ATXN10: variants seen among roughly 807,000 people sequenced by gnomAD.
ATXN10 encodes the protein ataxin 10.
A neutral mutation model predicts 52.9 loss-of-function variants in ATXN10; 28 were observed. The observed-to-expected ratio is 0.53, with a 90% CI of 0.39 to 0.73. ATXN10 has a LOEUF of 0.73. Ranked by LOEUF, ATXN10 falls within the 30% of genes least tolerant of loss-of-function variation. ATXN10 has a pLI of 0.00. For synonymous variants in ATXN10, 226 were observed against 221.5 expected (o/e 1.02, Z -0.18); for missense variants, 565 against 577.0 (o/e 0.98, Z 0.21).
At chr22:45,796,776 G>A (rs1037128021) in intron 9 of ATXN10, among the ~76,000 whole-genome samples, 2 of 152,178 alleles carry the variant, frequency 1.3e-5, no homozygotes, top group African/African-American at 2.4e-5. Flanking sequence ...TGAGATTACA[G>A]GCGTGAGCCA....
In ATXN10 at chr22:45,832,094, A is replaced by G. The variant is rs373448885; in HGVS notation, c.1238-10897A>G. ...TGTATTATTCCAAAATTTTATTCTC[A>G]CCATTATGGACTCCTGCTCCCTTGT... On this transcript the variant is annotated intron_variant, in intron 10 of 11. Transcript: ENST00000252934. 7.2e-5 allele frequency among the ~76,000 whole-genome samples: 11 copies of G among 152,030 alleles called. No individual in the cohort carries two copies. The South Asian group carries it at 1.9e-3, about 26-fold the overall frequency.
intron 7 of ATXN10, among the ~76,000 whole-genome samples, chr22:45,737,709 T>G (rs932067641): frequency 2.7e-5 from 4 of 147,586 alleles, no homozygotes; most frequent in South Asian, 2.2e-4. Flanking sequence ...TTTTTTTTTT[T>G]TTTGTTTGAG....
At chr22:45,827,399 G>A (rs183496922) in intron 10 of ATXN10, among the ~76,000 whole-genome samples, 1 of 152,272 alleles carries the variant, frequency 6.6e-6, no homozygotes, top group Non-Finnish European at 1.5e-5. Context: ...TGATCTAACT[G>A]TACTGTCTAC....
chr22:45,675,663 C>T (rs910139063), intron 1 of ATXN10: 10 of 152,224 alleles, frequency 6.6e-5, no homozygotes, highest in African/African-American at 2.4e-4. Context: ...CATCCTCAGC[C>T]ACGTGTGCAA....
Position 45,844,785 on chromosome 22 carries a change from T to G in ATXN10, c.*1114T>G, listed in dbSNP as rs1352071812. 1 of 152,228 alleles carries G rather than the reference T, an allele frequency of 6.6e-6. No homozygotes were observed. Among genetic ancestry groups the G allele is most frequent in the Non-Finnish European group, 1.5e-5 (1 of 68,034 alleles). 9.4% of individuals were successfully genotyped at this position (152,228 alleles called of 1,614,324 possible). A position where few individuals can be genotyped will look rare whatever the true frequency, so the allele number is the denominator to read the frequency against. Reference sequence around the variant, plus strand: ...GATTTTGCACAATTCGTGTTGAACCTTCCAAAACAAAAATAAAGACCTGTC... The same window carrying G: ...GATTTTGCACAATTCGTGTTGAACCGTCCAAAACAAAAATAAAGACCTGTC... On this transcript the variant is annotated 3_prime_UTR_variant, in exon 12 of 12. Transcript: ENST00000252934.
intron 6 of ATXN10, among the ~76,000 whole-genome samples, chr22:45,725,403 T>TA (rs991753933): frequency 1.1e-4 from 10 of 91,274 alleles, no homozygotes; most frequent in African/African-American, 4.8e-4. Flanking sequence ...GGCATTTGAT[T>TA]TTTTTTTTTT....
intron 9 of ATXN10, among the ~76,000 whole-genome samples, chr22:45,752,384 T>C (rs73889606): frequency 0.017 from 2,631 of 152,296 alleles, 88 homozygotes; most frequent in African/African-American, 0.061. Flanking sequence ...GTGCTTGGTA[T>C]AAATGGCTCT....
intron 10 of ATXN10, chr22:45,811,591 G>A (rs937924974): frequency 7.4e-6 from 3 of 404,060 alleles, no homozygotes; most frequent in African/African-American, 6.2e-5. Context: ...GAAGCAGTAG[G>A]GTATACCATA....
At position 45,672,112 on chromosome 22, in the gene ATXN10, C is replaced by T. The variant is rs1922469887; in HGVS notation, c.49C>T (p.Pro17Ser). Residue 17 changes from proline (P) to serine (S), a missense_variant, in exon 1 of 12, where the codon CCG becomes TCG. Transcript: ENST00000252934. Reference protein sequence around the residue: ...PPARLSGVMVPAPIQDLEALR... With the variant: ...PPARLSGVMVSAPIQDLEALR... ...TGCCAGGCTGTCGGGCGTCATGGTGCCGGCGCCCATCCAAGACCTGGAGGC... is the reference window on the plus strand; with the variant it reads ...TGCCAGGCTGTCGGGCGTCATGGTGTCGGCGCCCATCCAAGACCTGGAGGC... 4 of 1,540,138 alleles carry T rather than the reference C, an allele frequency of 2.6e-6. No homozygotes were observed. In the African/African-American group the frequency reaches 4.1e-5, roughly 16 times the overall value.
At chr22:45,695,817 T>G (rs1173139981) in intron 3 of ATXN10, among the ~76,000 whole-genome samples, 1 of 152,170 alleles carries the variant, frequency 6.6e-6, no homozygotes, top group African/African-American at 2.4e-5. Context: ...CTATTGATGT[T>G]AATATGTGTG....
intron 9 of ATXN10, chr22:45,793,596 A>C: frequency 7.6e-7 from 1 of 1,320,104 alleles, no homozygotes; most frequent in Non-Finnish European, 9.7e-7. Flanking sequence ...CTGCACCTTC[A>C]TTTTAGGCAG....
In ATXN10 at chr22:45,701,588, C is replaced by T. The variant is rs1923846390; in HGVS notation, c.489-1101C>T. On this transcript the variant is annotated intron_variant, in intron 4 of 11. Transcript: ENST00000252934. The surrounding 1 kb of genome is among the most constrained non-coding windows in gnomAD (Gnocchi z 4.2). The stretch of plus-strand genomic sequence containing the variant: ...GAAGAAGAGAATTACGAAATTCAAG[C>T]TACAGAAATAGGCATTGCTTATTTT... Among the ~76,000 whole-genome samples the T allele has an allele frequency of 1.3e-5, 2 of 152,178 alleles. No homozygotes were observed. The highest frequency in any genetic ancestry group is 4.1e-4 in the South Asian group (2 of 4,834).
chr22:45,764,228 AC>A (rs1354012285), intron 9 of ATXN10, among the ~76,000 whole-genome samples: 4 of 150,500 alleles, frequency 2.7e-5, no homozygotes, highest in Non-Finnish European at 4.4e-5. Context: ...ATCCACCGCT[AC>A]CCCCCAGCCC....
intron 10 of ATXN10, among the ~76,000 whole-genome samples, chr22:45,839,338 G>A (rs886452249): frequency 2.0e-4 from 30 of 152,202 alleles, no homozygotes; most frequent in Non-Finnish European, 2.5e-4. Flanking sequence ...TGTCAGGTCC[G>A]TGGCTGCGCC....
chr22:45,671,999 C>T lies in ATXN10; in HGVS notation c.-65C>T. 3 of 1,509,446 alleles carry T rather than the reference C, an allele frequency of 2.0e-6. No individual in the cohort carries two copies. Among genetic ancestry groups the T allele is most frequent in the Non-Finnish European group, 2.7e-6 (3 of 1,126,278 alleles). The allele number at this position is 1,509,446 out of a possible 1,614,324, so 93.5% of individuals were successfully genotyped here. A position where few individuals can be genotyped will look rare whatever the true frequency, so the allele number is the denominator to read the frequency against. On this transcript the variant is annotated 5_prime_UTR_variant, in exon 1 of 12. Coordinates refer to ENST00000252934, the MANE Select transcript of ATXN10 (RefSeq NM_013236.4). ...CATCCTACTCCTCCCTCCTCGTCATCCTCCCCCTTCGTCCTCCTCGCCTTC... is the reference window on the plus strand; with the variant it reads ...CATCCTACTCCTCCCTCCTCGTCATTCTCCCCCTTCGTCCTCCTCGCCTTC...
rs1472587952 is a variant in ATXN10 at position 45,712,909 on chromosome 22, A to G, written c.648-5504A>G. Among the ~76,000 whole-genome samples the G allele has an allele frequency of 6.6e-6, 1 of 152,204 alleles. No individual in the cohort carries two copies. The highest frequency in any genetic ancestry group is 2.4e-5 in the African/African-American group (1 of 41,452). On this transcript the variant is annotated intron_variant, in intron 5 of 11. Transcript: ENST00000252934. This position sits in a 1 kb window ranked among gnomAD's most constrained non-coding sequence, Gnocchi z 4.6. ...CTGTGGGTTAGATTTCCCAGATCTC[A>G]CAACAAAGGAGAGTGGCATTTATTT...
rs552194875 is a variant in ATXN10 at position 45,826,571 on chromosome 22, C to T, written c.1238-16420C>T. On this transcript the variant is annotated intron_variant, in intron 10 of 11. Transcript: ENST00000252934. The surrounding 1 kb of genome is among the most constrained non-coding windows in gnomAD (Gnocchi z 5.0). The stretch of plus-strand genomic sequence containing the variant: ...CAGCCCATCACATGCAAGAGATAAT[C>T]CATAGGATTACCAGCAGTTTTCTTA... Among the ~76,000 whole-genome samples, 4 of 152,274 alleles carry T rather than the reference C, an allele frequency of 2.6e-5. No homozygotes were observed. Among genetic ancestry groups the T allele is most frequent in the African/African-American group, 9.6e-5 (4 of 41,556 alleles).
intron 9 of ATXN10, among the ~76,000 whole-genome samples, chr22:45,785,907 A>G (rs1927307945): frequency 6.6e-6 from 1 of 152,258 alleles, no homozygotes; most frequent in Admixed American, 6.5e-5. Flanking sequence ...CCTTTCTGAC[A>G]TCTAGCTCTA....
At chr22:45,777,710 CTA>C (rs1313408569) in intron 9 of ATXN10, among the ~76,000 whole-genome samples, 1 of 152,226 alleles carries the variant, frequency 6.6e-6, no homozygotes, top group Non-Finnish European at 1.5e-5. Flanking sequence ...TTTGGATTAA[CTA>C]TGTCTGTGCA....
Sources: gnomAD v4.1 joint callset for allele counts (sites outside exome capture counted in the v4.1 genomes callset) on GRCh38, gnomAD v4.1.1 for gene constraint, Gnocchi (gnomAD v3.1) non-coding constraint, MANE v1.5 for transcripts, NCBI Gene and HGNC (gene_info 2026-07-23, HGNC 2026-07-21) for gene names.